Variants in DOCK7 observed in about 807,000 individuals in gnomAD.
The protein encoded by DOCK7 is dedicator of cytokinesis protein 7.
DOCK7 carries 138 observed loss-of-function variants against 271.0 expected under a neutral mutation model. The ratio of observed to expected loss-of-function variants is 0.51; its 90% CI spans 0.44 to 0.59. The LOEUF is 0.59. DOCK7 is among the 20% of genes least tolerant of loss of function. DOCK7 has a pLI of 0.00. For synonymous variants in DOCK7, 823 were observed against 876.1 expected, an observed-to-expected ratio of 0.94 and a Z score of 1.07; for missense variants, 2,066 against 2,592.4, an observed-to-expected ratio of 0.80 and a Z score of 4.41.
chr1:62,627,016 C>G (rs1462124091), intron 11 of DOCK7, among the ~76,000 whole-genome samples: 4 of 152,096 alleles, frequency 2.6e-5, no homozygotes, highest in Admixed American at 1.3e-4. Flanking sequence ...CAGACTCCAA[C>G]AACACATAAA....
chr1:62,613,698 A>G (rs1652091050), intron 14 of DOCK7, among the ~76,000 whole-genome samples: 1 of 152,090 alleles, frequency 6.6e-6, no homozygotes, highest in Non-Finnish European at 1.5e-5. Context: ...CGATTTCTCA[A>G]CTCAGTCAAA....
At chr1:62,604,331 G>A (rs1187781335) in intron 14 of DOCK7, 17 of 1,474,260 alleles carry the variant, frequency 1.2e-5, no homozygotes, top group South Asian at 4.8e-5. Flanking sequence ...TTAAAAATCC[G>A]AATCCCAAAT....
chr1:62,544,980 T>C lies in DOCK7; in HGVS notation c.2826A>G (p.Gly942=). The change falls in exon 23 of 50, where the codon GGA becomes GGG. Residue 942 remains glycine, a synonymous_variant. Coordinates refer to ENST00000635253, the MANE Select transcript of DOCK7 (RefSeq NM_001367561.1). The part of the protein sequence containing the change: ...NTGGPKAAPW[G]SNPSPSAEST... ...ATTCTGCACTTGGACTGGGGTTGGA[T>C]CCCCATGGGGCAGCTTTTGGACCAC... 6.5e-7 allele frequency: 1 copy of C among 1,549,822 alleles called. No homozygotes were observed. The highest frequency in any genetic ancestry group is 8.7e-7 in the Non-Finnish European group (1 of 1,146,498).
intron 1 of DOCK7, among the ~76,000 whole-genome samples, chr1:62,674,294 G>C (rs952230273): frequency 8.6e-5 from 13 of 151,594 alleles, no homozygotes; most frequent in Non-Finnish European, 4.4e-5. Context: ...AATTAAATAA[G>C]ATCTAAATAA....
At chr1:62,468,440 A>T (rs1645742503) in intron 48 of DOCK7, among the ~76,000 whole-genome samples, 1 of 152,128 alleles carries the variant, frequency 6.6e-6, no homozygotes, top group African/African-American at 2.4e-5. Flanking sequence ...ATCTATGACA[A>T]ATCCACAGCC....
intron 48 of DOCK7, among the ~76,000 whole-genome samples, chr1:62,463,782 T>C (rs1645597509): frequency 6.6e-6 from 1 of 152,088 alleles, no homozygotes; most frequent in Non-Finnish European, 1.5e-5. Flanking sequence ...AAGGAAATGA[T>C]AAATATGAAA....
chr1:62,604,290 C>A, intron 14 of DOCK7: 2 of 1,590,898 alleles, frequency 1.3e-6, no homozygotes, highest in Admixed American at 1.7e-5. Flanking sequence ...TATCTTCCCA[C>A]ATTATTAGCT....
intron 7 of DOCK7, chr1:62,641,142 A>G: frequency 3.2e-6 from 1 of 310,606 alleles, no homozygotes; most frequent in South Asian, 3.0e-5. Context: ...ATGGCTCTTG[A>G]GGACCTCTAT....
chr1:62,565,667 C>T (rs1354752101), intron 18 of DOCK7, among the ~76,000 whole-genome samples: 1 of 152,172 alleles, frequency 6.6e-6, no homozygotes, highest in Non-Finnish European at 1.5e-5. Context: ...AGGATGCCCT[C>T]TCTCACCACT....
intron 22 of DOCK7, among the ~76,000 whole-genome samples, chr1:62,548,383 G>T (rs1474799183): frequency 6.6e-6 from 1 of 151,538 alleles, no homozygotes; most frequent in Non-Finnish European, 1.5e-5. Context: ...TGTGCTCAGA[G>T]GAATGACATA....
At chr1:62,518,252 AT>A (rs1315681435) in intron 31 of DOCK7, among the ~76,000 whole-genome samples, 1 of 152,046 alleles carries the variant, frequency 6.6e-6, no homozygotes, top group Non-Finnish European at 1.5e-5. Context: ...CCTGGCCAAC[AT>A]AGTGCAACTC....
chr1:62,535,416 G>A, intron 29 of DOCK7, 77 bp downstream of exon 29: 1 of 1,274,580 alleles, frequency 7.8e-7, no homozygotes, highest in South Asian at 1.5e-5. Context: ...TAATCCTCAG[G>A]AAATGTGAGT....
chr1:62,559,093 G>A lies in DOCK7; in HGVS notation c.2327C>T (p.Ala776Val), dbSNP rs1033885455. The A allele has an allele frequency of 1.2e-6, 2 of 1,613,878 alleles. No individual in the cohort carries two copies. The highest frequency in any genetic ancestry group is 2.7e-5 in the African/African-American group (2 of 75,028). Residue 776 changes from alanine to valine, a missense_variant, in exon 20 of 50, where the codon GCA (alanine) becomes GTA (valine). Around this residue, in one of 2 missense-constraint regions of DOCK7, gnomAD observed 1,414 missense variants for 1,670.4 expected, o/e 0.85. Coordinates refer to ENST00000635253, the MANE Select transcript of DOCK7 (RefSeq NM_001367561.1). The part of the protein sequence containing the change: ...LENELKSSIS[A>V]LNSSQLEPVV... ...TGGTTCCAGCTGGGATGAATTCAGT[G>A]CTGAAATACTGCTCTTCAATTCATT...
chr1:62,652,297 C>A (rs1361429636), intron 4 of DOCK7, among the ~76,000 whole-genome samples: 5 of 152,078 alleles, frequency 3.3e-5, no homozygotes, highest in Non-Finnish European at 7.4e-5. Context: ...TCACACCTAT[C>A]TTCTTTGTTT....
intron 43 of DOCK7, chr1:62,487,185 A>G (rs1646319235): frequency 2.5e-6 from 1 of 399,116 alleles, no homozygotes; most frequent in African/African-American, 2.0e-5. Flanking sequence ...TTAGTGTAAC[A>G]TATGGATTTC....
At chr1:62,598,003 CTAACT>C (rs1649538596) in intron 14 of DOCK7, 1 of 1,570,256 alleles carries the variant, frequency 6.4e-7, no homozygotes, top group African/African-American at 1.4e-5. Context: ...GAGCAACTAA[CTAACT>C]TAATTCAAAA....
At chr1:62,662,407 C>CT (rs141877027) in intron 2 of DOCK7, among the ~76,000 whole-genome samples, 5,547 of 152,148 alleles carry the variant, frequency 0.036, 249 homozygotes, top group African/African-American at 0.11. Flanking sequence ...AAATAATTTA[C>CT]TTCGGTGCTT....
intron 21 of DOCK7, among the ~76,000 whole-genome samples, chr1:62,553,312 TTATATATATATATATA>T (rs1370176103): frequency 1.5e-4 from 3 of 20,586 alleles, no homozygotes; most frequent in Admixed American, 7.5e-4. Flanking sequence ...AAAAAGTATT[TTATATATATATATATA>T]TATATATATA....
intron 14 of DOCK7, chr1:62,604,885 T>A: frequency 1.3e-6 from 2 of 1,494,272 alleles, no homozygotes; most frequent in Admixed American, 3.4e-5. Flanking sequence ...GGTCTAATAA[T>A]CTGGTATTAA....
Sources: gnomAD v4.1 joint callset for allele counts (sites outside exome capture counted in the v4.1 genomes callset) on GRCh38, gnomAD v4.1.1 for gene constraint, gnomAD v4.1.1 regional missense constraint, MANE v1.5 for transcripts, NCBI Gene and HGNC (gene_info 2026-07-23, HGNC 2026-07-21) for gene names.